Variants in RHCG observed in about 807,000 individuals in gnomAD.
RHCG encodes ammonium transporter Rh type C.
Under a neutral mutation model 55.3 loss-of-function variants are expected in RHCG, and 39 were observed. The observed-to-expected ratio is 0.70, with a 90% CI of 0.55 to 0.92. The LOEUF is 0.92. RHCG is among the 40% of genes least tolerant of loss of function. RHCG has a pLI of 0.00. For synonymous variants in RHCG, 250 were observed against 246.8 expected (o/e 1.01, Z -0.12); for missense variants, 635 against 627.9 (o/e 1.01, Z -0.12).
intron 5 of RHCG, among the ~76,000 whole-genome samples, chr15:89,478,365 C>T (rs149859757): frequency 8.5e-5 from 13 of 152,338 alleles, no homozygotes; most frequent in African/African-American, 1.9e-4. Context: ...GGGGTCTAGA[C>T]ATAGGCACGC....
chr15:89,486,779 G>C lies in RHCG; in HGVS notation c.371+20C>G, dbSNP rs750429338. Reference sequence around the variant, plus strand: ...ATCCCTCCCAGTCCGCCACGCCCCCGGGGCCCGCCCTGCGCTCACTTCTCC... The same window carrying C: ...ATCCCTCCCAGTCCGCCACGCCCCCCGGGCCCGCCCTGCGCTCACTTCTCC... On this transcript the variant is annotated intron_variant, in intron 2 of 10. Transcript: ENST00000268122. The C allele has an allele frequency of 1.3e-6, 2 of 1,570,292 alleles. No individual in the cohort carries two copies. Among genetic ancestry groups the C allele is most frequent in the Non-Finnish European group, 1.7e-6 (2 of 1,152,288 alleles).
chr15:89,489,869 T>C (rs1961442522), intron 1 of RHCG, among the ~76,000 whole-genome samples: 1 of 152,168 alleles, frequency 6.6e-6, no homozygotes, highest in Admixed American at 6.6e-5. Context: ...TCTTTCACGG[T>C]TCTTGTTATA....
chr15:89,477,475 G>C lies in RHCG; in HGVS notation c.1112+42C>G. ...TAGCAGGAAGAAGGGATGGGAGAAGGAAGGGGGAAGCTCCATCCCACCGCA... is the reference window on the plus strand; with the variant it reads ...TAGCAGGAAGAAGGGATGGGAGAAGCAAGGGGGAAGCTCCATCCCACCGCA... On this transcript the variant is annotated intron_variant, in intron 7 of 10. Transcript: ENST00000268122. This position sits in a 1 kb window ranked among gnomAD's most constrained non-coding sequence, Gnocchi z 4.5. 6.2e-7 allele frequency: 1 copy of C among 1,607,954 alleles called. No homozygotes were observed. The highest frequency in any genetic ancestry group is 8.5e-7 in the Non-Finnish European group (1 of 1,176,336).
Position 89,477,876 on chromosome 15 carries a change from G to C in RHCG, c.936C>G (p.Val312=), listed in dbSNP as rs760479785. Residue 312 remains valine, a synonymous_variant, in exon 6 of 11, where the codon GTC becomes GTG. Transcript: ENST00000268122. This position sits in a 1 kb window ranked among gnomAD's most constrained non-coding sequence, Gnocchi z 4.5. ...MPYGALIIGF[V]CGIISTLGFV... is the part of the protein sequence containing the mutation. ...AACCCAGGGTGGAGATGATGCCGCAGACGAAGCCGATGATGAGGGCACCGT... is the reference window on the plus strand; with the variant it reads ...AACCCAGGGTGGAGATGATGCCGCACACGAAGCCGATGATGAGGGCACCGT... 1 of 1,614,106 alleles carries C rather than the reference G, an allele frequency of 6.2e-7. No homozygotes were observed. Among genetic ancestry groups the C allele is most frequent in the Non-Finnish European group, 8.5e-7 (1 of 1,180,018 alleles).
At chr15:89,486,152 T>C in intron 2 of RHCG, 1 of 416,198 alleles carries the variant, frequency 2.4e-6, no homozygotes, top group Non-Finnish European at 4.9e-6. Flanking sequence ...CCGTGGAAGC[T>C]GAGGAGGGGG....
chr15:89,476,946 C>A, intron 8 of RHCG, 118 bp from the exon 9 acceptor site: 1 of 1,543,514 alleles, frequency 6.5e-7, no homozygotes. Context: ...CAAATTGTCC[C>A]AGTCCTGTAG....
At chr15:89,478,974 C>A (rs1229279056) in intron 5 of RHCG, among the ~76,000 whole-genome samples, 1 of 152,102 alleles carries the variant, frequency 6.6e-6, no homozygotes. Flanking sequence ...GTAGCCTGCA[C>A]CTGCAGTCCC....
intron 3 of RHCG, among the ~76,000 whole-genome samples, chr15:89,481,386 G>T (rs778674389): frequency 5.3e-5 from 8 of 151,908 alleles, no homozygotes; most frequent in Non-Finnish European, 8.8e-5. Context: ...GGAGGCAGAG[G>T]TTGCAGTGAG....
chr15:89,478,421 T>C (rs967485550), intron 5 of RHCG, among the ~76,000 whole-genome samples: 2 of 152,230 alleles, frequency 1.3e-5, no homozygotes, highest in African/African-American at 4.8e-5. Context: ...GGTACCGTGC[T>C]GCTGGCTGTA....
At chr15:89,493,675 C>A (rs1221502952) in intron 1 of RHCG, among the ~76,000 whole-genome samples, 1 of 152,172 alleles carries the variant, frequency 6.6e-6, no homozygotes, top group Non-Finnish European at 1.5e-5. Context: ...AGCCTTGTGC[C>A]CTCTAACTCC....
At chr15:89,492,806 A>G (rs913308479) in intron 1 of RHCG, among the ~76,000 whole-genome samples, 103 of 152,372 alleles carry the variant, frequency 6.8e-4, no homozygotes, top group African/African-American at 2.2e-3. Context: ...CCATGTTTCT[A>G]ACAAGGTGCT....
chr15:89,481,588 G>A lies in RHCG; in HGVS notation c.523-1180C>T, dbSNP rs558238613. Among the ~76,000 whole-genome samples the A allele has an allele frequency of 5.3e-5, 8 of 152,308 alleles. No individual in the cohort carries two copies. The East Asian group carries it at 1.5e-3, about 29-fold the overall frequency. ...CAGCTTTGTGCCTGAAGAGCAGACAGCACAGTATGACAAAGCACAGGAAGA... is the reference window on the plus strand; with the variant it reads ...CAGCTTTGTGCCTGAAGAGCAGACAACACAGTATGACAAAGCACAGGAAGA... On this transcript the variant is annotated intron_variant, in intron 3 of 10. Transcript: ENST00000268122.
intron 5 of RHCG, among the ~76,000 whole-genome samples, chr15:89,478,917 C>T (rs1961207827): frequency 6.6e-6 from 1 of 152,004 alleles, no homozygotes; most frequent in African/African-American, 2.4e-5. Context: ...ATGGTGAAAC[C>T]CCATCTCTAC....
intron 1 of RHCG, among the ~76,000 whole-genome samples, chr15:89,490,568 G>C (rs960179362): frequency 6.6e-6 from 1 of 152,240 alleles, no homozygotes; most frequent in African/African-American, 2.4e-5. Flanking sequence ...TGGTATTATG[G>C]TTATTCTGGG....
intron 9 of RHCG, 94 bp from the exon 10 acceptor site, chr15:89,472,957 C>T (rs188337252): frequency 8.2e-5 from 110 of 1,334,116 alleles, no homozygotes; most frequent in Non-Finnish European, 1.0e-4. Context: ...TGGTGTGTGG[C>T]GAGCGCCACC....
intron 9 of RHCG, among the ~76,000 whole-genome samples, chr15:89,475,182 CTGCCTGCCTTCCTTCCTTCT>C (rs1411778558): frequency 6.9e-6 from 1 of 145,218 alleles, no homozygotes; most frequent in African/African-American, 2.5e-5. Context: ...GCCTTCCTGC[CTGCCTGCCTTCCTTCCTTCT>C]TTCCTTCCTT....
At chr15:89,473,063 G>A (rs1961070289) in intron 9 of RHCG, among the ~76,000 whole-genome samples, 200 bp from the exon 10 acceptor site, 1 of 152,224 alleles carries the variant, frequency 6.6e-6, no homozygotes, top group African/African-American at 2.4e-5. Context: ...TGTCCTGGGT[G>A]CTGAGGCATG....
intron 1 of RHCG, 39 bp from the exon 2 acceptor site, chr15:89,487,024 G>A (rs1430755037): frequency 9.9e-6 from 15 of 1,512,762 alleles, no homozygotes; most frequent in Admixed American, 2.1e-5. Context: ...GTGGTCTGGC[G>A]AAGGTTCGTC....
rs1567225904 is a variant in RHCG at position 89,480,321 on chromosome 15, G to C, written c.610C>G (p.Leu204Val). Residue 204 changes from leucine to valine, a missense_variant, in exon 4 of 11, where the codon CTA becomes GTA. Leu to Val is a conservative substitution (Grantham distance 32). Transcript: ENST00000268122. ...TTCTGTCTCTCCTTGCTCTGCTCTAGGTTGCGTCGGTAGAGGATCCGGGTC... is the reference window on the plus strand; with the variant it reads ...TTCTGTCTCTCCTTGCTCTGCTCTACGTTGCGTCGGTAGAGGATCCGGGTC... ...TVTRILYRRN[L>V]EQSKERQNSV... The C allele has an allele frequency of 1.9e-6, 3 of 1,614,206 alleles. No individual in the cohort carries two copies. The highest frequency in any genetic ancestry group is 1.7e-6 in the Non-Finnish European group (2 of 1,180,030).
Sources: allele counts gnomAD v4.1 joint callset (sites outside exome capture counted in the v4.1 genomes callset), GRCh38; gene constraint gnomAD v4.1.1; non-coding constraint Gnocchi (gnomAD v3.1); transcripts MANE v1.5; gene names NCBI Gene and HGNC (gene_info 2026-07-23, HGNC 2026-07-21).